Variants in HCRTR2 observed in about 807,000 individuals in gnomAD.
The protein encoded by HCRTR2 is hypocretin receptor 2.
A neutral mutation model predicts 49.0 loss-of-function variants in HCRTR2; 22 were observed. The observed-to-expected ratio is 0.45, with a 90% confidence interval of 0.32 to 0.64. HCRTR2 has a LOEUF of 0.64. HCRTR2 is among the 30% of genes least tolerant of loss of function. The pLI, the probability that HCRTR2 is intolerant of heterozygous loss-of-function variation, is 0.04. For synonymous variants in HCRTR2, 236 were observed against 205.3 expected (o/e 1.15, Z -1.28); for missense variants, 491 against 559.4 (o/e 0.88, Z 1.23).
At chr6:55,121,854 T>A (rs1183713460) in intron 1 of HCRTR2, among the ~76,000 whole-genome samples, 3 of 152,176 alleles carry the variant, frequency 2.0e-5, no homozygotes, top group Non-Finnish European at 4.4e-5. Flanking sequence ...GCTGCTGGAT[T>A]TGGTTTGCCA....
intron 4 of HCRTR2, among the ~76,000 whole-genome samples, chr6:55,269,527 G>A (rs1766931131): frequency 1.3e-5 from 2 of 152,020 alleles, no homozygotes; most frequent in South Asian, 4.1e-4. Context: ...CAGGATGAAA[G>A]ATTAATATAT....
At chr6:55,272,826 C>A (rs1374806454) in intron 4 of HCRTR2, among the ~76,000 whole-genome samples, 2 of 150,682 alleles carry the variant, frequency 1.3e-5, no homozygotes, top group African/African-American at 2.4e-5. Context: ...TATATCAAGT[C>A]CCAGAGAGCA....
chr6:55,192,407 GCGCGCGCA>G (rs1289353260), intron 1 of HCRTR2, among the ~76,000 whole-genome samples: 1 of 79,070 alleles, frequency 1.3e-5, no homozygotes, highest in Non-Finnish European at 2.5e-5. Context: ...ACACACGCGC[GCGCGCGCA>G]CACACACACA....
downstream of HCRTR2, among the ~76,000 whole-genome samples, chr6:55,283,751 G>C (rs2127336667): frequency 6.6e-6 from 1 of 152,054 alleles, no homozygotes; most frequent in East Asian, 1.9e-4. Flanking sequence ...AAAAGATATG[G>C]GGCACAGTGT....
At chr6:55,140,568 G>T (rs1472022202) in intron 1 of HCRTR2, among the ~76,000 whole-genome samples, 2 of 152,030 alleles carry the variant, frequency 1.3e-5, no homozygotes, top group African/African-American at 4.8e-5. Context: ...TAGCATCACA[G>T]CACATTATTT....
chr6:55,163,546 ATGT>A (rs1764836262), intron 1 of HCRTR2, among the ~76,000 whole-genome samples: 1 of 152,302 alleles, frequency 6.6e-6, no homozygotes, highest in East Asian at 1.9e-4. Flanking sequence ...TATTTAATAA[ATGT>A]TGTTGCGAAA....
intron 3 of HCRTR2, among the ~76,000 whole-genome samples, chr6:55,257,645 C>T (rs2127318817): frequency 6.6e-6 from 1 of 151,298 alleles, no homozygotes; most frequent in African/African-American, 2.4e-5. Flanking sequence ...TTTAAATTAC[C>T]TCTGAGTGGT....
chr6:55,170,818 T>C (rs1045150086), upstream of HCRTR2, among the ~76,000 whole-genome samples: 11 of 146,366 alleles, frequency 7.5e-5, no homozygotes, highest in African/African-American at 2.8e-4. Context: ...CACCTATGAG[T>C]GAGAACATAC....
intron 1 of HCRTR2, among the ~76,000 whole-genome samples, chr6:55,212,663 A>T (rs984041738): frequency 1.3e-5 from 2 of 152,204 alleles, no homozygotes; most frequent in African/African-American, 4.8e-5. Context: ...AAGGATAATT[A>T]AACATATAAA....
chr6:55,283,110 C>T (rs911327497), downstream of HCRTR2, among the ~76,000 whole-genome samples: 8 of 152,122 alleles, frequency 5.3e-5, no homozygotes, highest in African/African-American at 1.4e-4. Context: ...AAAGTTTTAA[C>T]GTAATTTCCA....
In HCRTR2 at chr6:55,122,414, G is replaced by A. The variant is rs182926639; in HGVS notation, c.-378+15869G>A. On this transcript the variant is annotated intron_variant, in intron 1 of 7. Coordinates refer to the HCRTR2 transcript ENST00000615358. ...TTTTGTTTATCTTTTCAAAAAACCA[G>A]CTCCTGGATTCATTGATTTTTTGAA... Among the ~76,000 whole-genome samples the A allele has an allele frequency of 3.3e-3, 496 of 152,166 alleles. 6 individuals are homozygous for A. Among genetic ancestry groups the A allele is most frequent in the African/African-American group, 0.011 (472 of 41,522 alleles).
At chr6:55,157,110 A>G (rs990623184) in intron 1 of HCRTR2, among the ~76,000 whole-genome samples, 4 of 152,220 alleles carry the variant, frequency 2.6e-5, no homozygotes, top group Non-Finnish European at 4.4e-5. Flanking sequence ...AATCTTATAC[A>G]TGGAGAACTC....
upstream of HCRTR2, among the ~76,000 whole-genome samples, chr6:55,170,567 G>A (rs1028110391): frequency 1.3e-5 from 2 of 150,888 alleles, no homozygotes; most frequent in African/African-American, 2.5e-5. Context: ...GATATCACAT[G>A]TTTACTTATT....
upstream of HCRTR2, among the ~76,000 whole-genome samples, chr6:55,169,554 T>C (rs1181633209): frequency 6.6e-6 from 1 of 151,946 alleles, no homozygotes; most frequent in Non-Finnish European, 1.5e-5. Context: ...CCCTGTGATT[T>C]GAGACTTTTC....
At chr6:55,183,747 T>A (rs949528211) in intron 1 of HCRTR2, among the ~76,000 whole-genome samples, 21 of 151,864 alleles carry the variant, frequency 1.4e-4, no homozygotes, top group African/African-American at 5.1e-4. Context: ...ATCCAAATTC[T>A]CCAGATAATT....
chr6:55,120,061 G>T (rs1764174442), intron 1 of HCRTR2, among the ~76,000 whole-genome samples: 1 of 152,140 alleles, frequency 6.6e-6, no homozygotes, highest in Admixed American at 6.6e-5. Context: ...TGTCAGGTTT[G>T]TCAAAGATCA....
chr6:55,231,811 T>G (rs1766120152), intron 1 of HCRTR2, among the ~76,000 whole-genome samples: 2 of 152,092 alleles, frequency 1.3e-5, no homozygotes, highest in Non-Finnish European at 2.9e-5. Context: ...TAGCTGTTTC[T>G]CTATTTTTAA....
At position 55,263,766 on chromosome 6, in the gene HCRTR2, C is replaced by T. The variant is rs1357728449; in HGVS notation, c.706C>T (p.Leu236=). Reference sequence around the variant, plus strand: ...CTTTCTGGTGACATACATGGCACCACTGTGTCTCATGGTGTTGGCTTATCT... The same window carrying T: ...CTTTCTGGTGACATACATGGCACCATTGTGTCTCATGGTGTTGGCTTATCT... ...CFFLVTYMAP[L]CLMVLAYLQI... The change falls in exon 4 of 7, where the codon CTG becomes TTG. Residue 236 remains leucine (L), a synonymous_variant. Coordinates refer to ENST00000370862, the MANE Select transcript of HCRTR2 (RefSeq NM_001384272.1). The T allele has an allele frequency of 1.9e-6, 3 of 1,612,934 alleles. No homozygotes were observed. The highest frequency in any genetic ancestry group is 2.5e-6 in the Non-Finnish European group (3 of 1,179,218).
At position 55,256,611 on chromosome 6, in the gene HCRTR2, CTTTTT is replaced by C. The variant is rs142293856; in HGVS notation, c.646+1233_646+1237del. Among the ~76,000 whole-genome samples, 1,049 of 151,930 alleles carry C rather than the reference CTTTTT, an allele frequency of 6.9e-3. 12 individuals are homozygous for C. Among genetic ancestry groups the C allele is most frequent in the African/African-American group, 0.024 (1,010 of 41,412 alleles). On this transcript the variant is annotated intron_variant, in intron 3 of 6. Coordinates refer to ENST00000370862, the MANE Select transcript of HCRTR2 (RefSeq NM_001384272.1). The stretch of plus-strand genomic sequence containing the variant: ...TGTCTTTTATTGGGATTTACTTTTC[CTTTTT>C]AACATTCCAACTTTTTTTTGCTGTA...
Sources: allele counts gnomAD v4.1 joint callset (sites outside exome capture counted in the v4.1 genomes callset), GRCh38; gene constraint gnomAD v4.1.1; transcripts MANE v1.5; gene names NCBI Gene and HGNC (gene_info 2026-07-23, HGNC 2026-07-21).